The following AK8 variants were observed in gnomAD, a reference collection of about 807,000 sequenced individuals.
AK8 encodes adenylate kinase 8.
A neutral mutation model predicts 54.6 loss-of-function variants in AK8; 44 were observed. The ratio of observed to expected loss-of-function variants is 0.81; its 90% confidence interval spans 0.63 to 1.04. The LOEUF is 1.04. Among genes scored for constraint, AK8 ranks in the 50% least tolerant of loss-of-function variants. The pLI is 0.00. For missense variants in AK8, 555 were observed against 613.6 expected, an observed-to-expected ratio of 0.90 and a Z score of 1.01; for synonymous variants, 239 against 245.6, an observed-to-expected ratio of 0.97 and a Z score of 0.25.
At chr9:132,735,573 G>T (rs752191541) in intron 11 of AK8, among the ~76,000 whole-genome samples, 2 of 152,072 alleles carry the variant, frequency 1.3e-5, no homozygotes, top group Admixed American at 1.3e-4. Context: ...AACCCATAAA[G>T]TAAGTGTTGG....
Position 132,872,011 on chromosome 9 carries a change from G to C in AK8, c.169+3104C>G, listed in dbSNP as rs755869937. On this transcript the variant is annotated intron_variant, in intron 2 of 12. Transcript: ENST00000298545. ...CAAGGTTCTTGAGCTTCTAGGCTGG[G>C]GAACTAGGTAAGCCTTGAAGTAGCG... is the stretch of plus-strand genomic sequence containing the variant. Among the ~76,000 whole-genome samples the C allele has an allele frequency of 2.0e-5, 3 of 152,294 alleles. No homozygotes were observed. In the South Asian group the frequency reaches 6.2e-4, roughly 32 times the overall value.
intron 11 of AK8, among the ~76,000 whole-genome samples, chr9:132,786,695 A>C (rs1164772552): frequency 6.6e-6 from 1 of 152,168 alleles, no homozygotes; most frequent in Non-Finnish European, 1.5e-5. Context: ...GAGCTTCCAA[A>C]TCGCTTTTTA....
chr9:132,872,721 C>A (rs1321122381), intron 2 of AK8, among the ~76,000 whole-genome samples: 2 of 152,138 alleles, frequency 1.3e-5, no homozygotes, highest in Non-Finnish European at 2.9e-5. Context: ...GCAACCTCCA[C>A]CCCCTGGGTT....
chr9:132,852,769 C>CAAAAAA (rs35786801), intron 5 of AK8, among the ~76,000 whole-genome samples: 3 of 16,404 alleles, frequency 1.8e-4, no homozygotes, highest in African/African-American at 3.9e-4. Context: ...GATTAGGTCT[C>CAAAAAA]AAAAAAAAAA....
intron 10 of AK8, among the ~76,000 whole-genome samples, chr9:132,805,424 G>A (rs924542346): frequency 2.6e-5 from 4 of 152,186 alleles, no homozygotes; most frequent in African/African-American, 7.2e-5. Flanking sequence ...ACCCCCCTCC[G>A]GCAGCGCCCA....
intron 11 of AK8, among the ~76,000 whole-genome samples, chr9:132,750,453 C>T (rs1167596325): frequency 6.6e-6 from 1 of 151,906 alleles, no homozygotes; most frequent in African/African-American, 2.4e-5. Flanking sequence ...TTCTGTCCGG[C>T]ATCGGGGCAG....
At chr9:132,792,218 CT>C (rs1255264195) in intron 11 of AK8, among the ~76,000 whole-genome samples, 1 of 152,178 alleles carries the variant, frequency 6.6e-6, no homozygotes, top group Non-Finnish European at 1.5e-5. Context: ...ATATTCAACA[CT>C]CTGAACAAAT....
At chr9:132,839,089 G>A (rs1485841265) in intron 5 of AK8, among the ~76,000 whole-genome samples, 1 of 151,782 alleles carries the variant, frequency 6.6e-6, no homozygotes, top group Non-Finnish European at 1.5e-5. Flanking sequence ...GATTACAGGC[G>A]CCCACCACCA....
At chr9:132,745,962 A>G (rs992428465) in intron 11 of AK8, among the ~76,000 whole-genome samples, 15 of 152,222 alleles carry the variant, frequency 9.9e-5, no homozygotes, top group African/African-American at 3.6e-4. Context: ...CCTGGTGCTC[A>G]GGAAGAGAGA....
intron 11 of AK8, among the ~76,000 whole-genome samples, chr9:132,738,653 G>T (rs1340648221): frequency 9.2e-5 from 14 of 151,774 alleles, no homozygotes; most frequent in Admixed American, 9.2e-4. Flanking sequence ...GCAACATCTC[G>T]TTTGAGGCAA....
At position 132,725,623 on chromosome 9, in the gene AK8, G is replaced by T; in HGVS notation, c.*65C>A. The T allele has an allele frequency of 7.1e-7, 1 of 1,414,842 alleles. No individual in the cohort carries two copies. The highest frequency in any genetic ancestry group is 9.7e-7 in the Non-Finnish European group (1 of 1,031,446). The allele number at this position is 1,414,842 out of a possible 1,614,324, so 87.6% of individuals were successfully genotyped here. ...TGGCTTTTTAGGGGAGCTGTGCCGA[G>T]GCTGGGGGGCTGGGGGCAGGGGATT... On this transcript the variant is annotated 3_prime_UTR_variant, in exon 13 of 13. Coordinates refer to ENST00000298545, the MANE Select transcript of AK8 (RefSeq NM_152572.3).
intron 4 of AK8, among the ~76,000 whole-genome samples, chr9:132,855,622 A>G (rs930340271): frequency 6.6e-6 from 1 of 152,244 alleles, no homozygotes; most frequent in Non-Finnish European, 1.5e-5. Context: ...CCAGCAGACC[A>G]AATGGTATCA....
intron 11 of AK8, among the ~76,000 whole-genome samples, chr9:132,763,267 C>T (rs1838570547): frequency 1.3e-5 from 2 of 152,122 alleles, no homozygotes; most frequent in Non-Finnish European, 2.9e-5. Context: ...TTTGTGACCA[C>T]AATGGCATAA....
At chr9:132,864,017 A>G (rs1211267541) in intron 3 of AK8, among the ~76,000 whole-genome samples, 1 of 152,178 alleles carries the variant, frequency 6.6e-6, no homozygotes, top group African/African-American at 2.4e-5. Flanking sequence ...TGAAGTGGGA[A>G]GACCTACAGG....
chr9:132,806,771 G>A (rs554122213), intron 10 of AK8, among the ~76,000 whole-genome samples: 10 of 152,318 alleles, frequency 6.6e-5, no homozygotes, highest in Admixed American at 1.3e-4. Flanking sequence ...CTGGACTCAC[G>A]GAAGGCTCTT....
chr9:132,856,736 G>GT, intron 4 of AK8, among the ~76,000 whole-genome samples: 1 of 152,334 alleles, frequency 6.6e-6, no homozygotes, highest in East Asian at 1.9e-4. Context: ...CTGAGAAAAT[G>GT]TAAGAGCGGG....
intron 11 of AK8, among the ~76,000 whole-genome samples, chr9:132,753,166 G>T (rs1838029175): frequency 6.6e-6 from 1 of 152,232 alleles, no homozygotes. Flanking sequence ...CCAGGCCACT[G>T]TTGACCTCCT....
rs193098482 is a variant in AK8, at chr9:132,841,186, A to T, written c.403-12460T>A. ...GGCGCTCTACATAGAAAAGCACTGC[A>T]GCCCGAGCAGGCTGTCCACACCAGT... On this transcript the variant is annotated intron_variant, in intron 5 of 12. Transcript: ENST00000298545. Among the ~76,000 whole-genome samples the T allele has an allele frequency of 1.4e-3, 216 of 152,310 alleles. 1 individual carries two copies. The highest frequency in any genetic ancestry group is 2.4e-3 in the Non-Finnish European group (160 of 68,032).
rs757477831 is a variant in AK8 at position 132,878,219 on chromosome 9, CG to C, written c.36del (p.Glu13ArgfsTer14). The C allele has an allele frequency of 1.5e-5, 22 of 1,454,168 alleles. No homozygotes were observed. Among genetic ancestry groups the C allele is most frequent in the Admixed American group, 5.0e-5 (2 of 40,118 alleles). 90.1% of individuals were successfully genotyped at this position (1,454,168 alleles called of 1,614,324 possible). A position where few individuals can be genotyped will look rare whatever the true frequency, so the allele number is the denominator to read the frequency against. ...DATIAPHRIP[P>X]EMPQYGEENH... The stretch of plus-strand genomic sequence containing the variant: ...TTCTCCTCCCCGTACTGGGGCATCT[CG>C]GGGGGGATACGGTGCGGGGCGATAG... On this transcript the variant is annotated frameshift_variant, in exon 1 of 13. Transcript: ENST00000298545. LOFTEE classifies it high-confidence loss of function. This position sits in a 1 kb window ranked among gnomAD's most constrained non-coding sequence, Gnocchi z 4.7.
Sources: gnomAD v4.1 joint callset for allele counts (sites outside exome capture counted in the v4.1 genomes callset) on GRCh38, gnomAD v4.1.1 for gene constraint, Gnocchi (gnomAD v3.1) non-coding constraint, MANE v1.5 for transcripts, NCBI Gene and HGNC (gene_info 2026-07-23, HGNC 2026-07-21) for gene names.